The following LRPPRC variants were observed in gnomAD, a reference collection of about 807,000 sequenced individuals.
LRPPRC encodes leucine-rich PPR motif-containing protein, mitochondrial.
In LRPPRC, 120 loss-of-function variants were observed where a neutral mutation model predicts 180.3. The ratio of observed to expected loss-of-function variants is 0.67; its 90% confidence interval spans 0.57 to 0.77. The LOEUF is 0.77. Among genes scored for constraint, LRPPRC ranks in the 30% least tolerant of loss-of-function variants. LRPPRC has a pLI of 0.00. For missense variants in LRPPRC, 2,012 were observed against 1,657.2 expected, an observed-to-expected ratio of 1.21 and a Z score of -3.72; for synonymous variants, 723 against 600.0, an observed-to-expected ratio of 1.21 and a Z score of -3.00.
At position 43,927,554 on chromosome 2, in the gene LRPPRC, A is replaced by AT. The variant is rs200294401; in HGVS notation, c.2737-1594dup. On this transcript the variant is annotated intron_variant, in intron 25 of 37. Transcript: ENST00000260665. Reference sequence around the variant, plus strand: ...ACGTTATTTGTTTTGTTTCACACGCATAATACTGAAAATGAAACCAATGTC... The same window carrying AT: ...ACGTTATTTGTTTTGTTTCACACGCATTAATACTGAAAATGAAACCAATGTC... 7.1e-3 allele frequency among the ~76,000 whole-genome samples: 1,083 copies of AT among 152,338 alleles called. 11 individuals carry two copies. The highest frequency in any genetic ancestry group is 0.024 in the African/African-American group (1,012 of 41,572).
chr2:43,895,899 CCTA>C (rs1670662394), intron 35 of LRPPRC, among the ~76,000 whole-genome samples: 2 of 152,118 alleles, frequency 1.3e-5, no homozygotes, highest in Non-Finnish European at 2.9e-5. Context: ...ATGTGATATA[CCTA>C]CTATGTACCC....
In LRPPRC at chr2:43,947,716, CA is replaced by C. The variant is rs774567158; in HGVS notation, c.1965+14del. The C allele has an allele frequency of 1.5e-5, 22 of 1,483,290 alleles. No homozygotes were observed. The highest frequency in any genetic ancestry group is 2.1e-5 in the Non-Finnish European group (22 of 1,061,632). 91.9% of individuals were successfully genotyped at this position (1,483,290 alleles called of 1,614,324 possible). On this transcript the variant is annotated intron_variant, in intron 19 of 37. Coordinates refer to ENST00000260665, the MANE Select transcript of LRPPRC (RefSeq NM_133259.4). ...GGTATTATAGCATGTAGAATCTAGT[CA>C]AAATCCTACTTACTTTTTGAAAGTC... is the stretch of plus-strand genomic sequence containing the variant.
chr2:43,951,935 T>A (rs868638932), intron 14 of LRPPRC, among the ~76,000 whole-genome samples: 56 of 152,324 alleles, frequency 3.7e-4, no homozygotes, highest in African/African-American at 1.3e-3. Context: ...GGCTCACGCC[T>A]GTAATCACAG....
intron 31 of LRPPRC, chr2:43,901,923 A>G (rs1422370589): frequency 1.2e-5 from 2 of 173,062 alleles, no homozygotes; most frequent in Non-Finnish European, 2.5e-5. Flanking sequence ...CGAAGATTAA[A>G]TGATCATCAA....
intron 1 of LRPPRC, among the ~76,000 whole-genome samples, chr2:43,982,900 G>C (rs1674374253): frequency 6.6e-6 from 1 of 150,760 alleles, no homozygotes; most frequent in Non-Finnish European, 1.5e-5. Flanking sequence ...GAATTTAAAA[G>C]AAGACCAATG....
rs754282001 is a variant in LRPPRC, at chr2:43,889,765, G to C, written c.4097C>G (p.Ala1366Gly). The change falls in exon 37 of 38, where the codon GCT becomes GGT. Residue 1366 changes from alanine (A) to glycine (G), a missense_variant. Transcript: ENST00000260665. ...TTCAATGAAAGGGACAGGCTCTCCA[G>C]CATACTTCAGCAAAGATGCGTAACG... The part of the protein sequence containing the change: ...LKRYASLLKY[A>G]GEPVPFIEPP... The C allele has an allele frequency of 1.9e-6, 3 of 1,612,940 alleles. No homozygotes were observed.
At chr2:43,940,258 T>C (rs1672430620) in intron 23 of LRPPRC, among the ~76,000 whole-genome samples, 1 of 152,190 alleles carries the variant, frequency 6.6e-6, no homozygotes, top group African/African-American at 2.4e-5. Flanking sequence ...GGAGTTTTAC[T>C]CTAGAAGGCA....
chr2:43,897,482 TG>T (rs1040911157), intron 34 of LRPPRC, among the ~76,000 whole-genome samples: 1 of 152,184 alleles, frequency 6.6e-6, no homozygotes, highest in Non-Finnish European at 1.5e-5. Flanking sequence ...AAGAACTTTT[TG>T]GGGCCACACA....
At chr2:43,916,680 G>C (rs960468950) in intron 29 of LRPPRC, among the ~76,000 whole-genome samples, 2 of 152,148 alleles carry the variant, frequency 1.3e-5, no homozygotes, top group Non-Finnish European at 2.9e-5. Flanking sequence ...CAGGTTGGGG[G>C]TGGTGGCTCA....
Position 43,888,419 on chromosome 2 carries a change from A to G in LRPPRC, c.*181T>C, listed in dbSNP as rs188181819. The G allele has an allele frequency of 5.0e-5, 27 of 538,094 alleles. No individual in the cohort carries two copies. In the East Asian group the frequency reaches 8.6e-4, roughly 17 times the overall value. 33.3% of individuals were successfully genotyped at this position (538,094 alleles called of 1,614,324 possible). On this transcript the variant is annotated 3_prime_UTR_variant, in exon 38 of 38. Coordinates refer to ENST00000260665, the MANE Select transcript of LRPPRC (RefSeq NM_133259.4). ...CTATCGATTTTTCCCAGAGAAAAAA[A>G]CTCCAAAAATGTCCAATAACCAAGT... is the stretch of plus-strand genomic sequence containing the variant.
At position 43,887,997 on chromosome 2, in the gene LRPPRC, G is replaced by C. The variant is rs954310874; in HGVS notation, c.*603C>G. The C allele has an allele frequency of 6.5e-6, 1 of 153,738 alleles. No homozygotes were observed. The highest frequency in any genetic ancestry group is 6.5e-5 in the Admixed American group (1 of 15,478). The allele number at this position is 153,738 out of a possible 1,614,324, so 9.5% of individuals were successfully genotyped here. A position where few individuals can be genotyped will look rare whatever the true frequency, so the allele number is the denominator to read the frequency against. On this transcript the variant is annotated 3_prime_UTR_variant, in exon 38 of 38. Coordinates refer to ENST00000260665, the MANE Select transcript of LRPPRC (RefSeq NM_133259.4). ...TGAAGCCACAGTGGCAGAAGGGAAA[G>C]ATGGGGAAGTGTGCCGAAGAGCCTC... is the stretch of plus-strand genomic sequence containing the variant.
chr2:43,933,493 G>A lies in LRPPRC; in HGVS notation c.2736+697C>T, dbSNP rs1672163054. Among the ~76,000 whole-genome samples, 5 of 152,262 alleles carry A rather than the reference G, an allele frequency of 3.3e-5. No individual in the cohort carries two copies. In the South Asian group the frequency reaches 1.0e-3, roughly 32 times the overall value. ...ATGAAATAATTTTTCTTAAGGCAAT[G>A]GGTCCATCTTCTGCGGAATGTTTTG... is the stretch of plus-strand genomic sequence containing the variant. On this transcript the variant is annotated intron_variant, in intron 25 of 37. Coordinates refer to ENST00000260665, the MANE Select transcript of LRPPRC (RefSeq NM_133259.4).
chr2:43,990,692 T>C (rs1185604319), intron 1 of LRPPRC, among the ~76,000 whole-genome samples: 1 of 152,194 alleles, frequency 6.6e-6, no homozygotes, highest in Non-Finnish European at 1.5e-5. Flanking sequence ...CTCCTCTCTC[T>C]GAAATACCAC....
chr2:43,962,203 G>T (rs1266984152), intron 12 of LRPPRC, among the ~76,000 whole-genome samples: 1 of 152,156 alleles, frequency 6.6e-6, no homozygotes, highest in Non-Finnish European at 1.5e-5. Context: ...TGATCTGGGG[G>T]CTGTATTTCT....
At chr2:43,921,409 AG>A (rs1671695471) in intron 27 of LRPPRC, among the ~76,000 whole-genome samples, 1 of 152,246 alleles carries the variant, frequency 6.6e-6, no homozygotes, top group Non-Finnish European at 1.5e-5. Context: ...TCGTATTAAA[AG>A]GGAGAAAAAG....
intron 37 of LRPPRC, among the ~76,000 whole-genome samples, chr2:43,888,920 G>A (rs1670374206): frequency 1.3e-5 from 2 of 152,172 alleles, no homozygotes; most frequent in African/African-American, 4.8e-5. Context: ...GTGCACATAT[G>A]GAGGTATGGG....
At chr2:43,915,909 T>G (rs1671450897) in intron 29 of LRPPRC, among the ~76,000 whole-genome samples, 1 of 152,050 alleles carries the variant, frequency 6.6e-6, no homozygotes. Context: ...GGGACTATAG[T>G]CCTGTGCCAC....
chr2:43,963,090 GT>G (rs1393537483), intron 12 of LRPPRC, among the ~76,000 whole-genome samples: 1 of 152,158 alleles, frequency 6.6e-6, no homozygotes, highest in African/African-American at 2.4e-5. Context: ...GTCTTTTTGA[GT>G]TTTGAAAGTT....
At chr2:43,939,011 G>A (rs1427241471) in intron 23 of LRPPRC, among the ~76,000 whole-genome samples, 1 of 151,758 alleles carries the variant, frequency 6.6e-6, no homozygotes, top group African/African-American at 2.4e-5. Context: ...GGTGGCTCAC[G>A]CCTGTAATCC....
Sources: allele counts gnomAD v4.1 joint callset (sites outside exome capture counted in the v4.1 genomes callset), GRCh38; gene constraint gnomAD v4.1.1; transcripts MANE v1.5; gene names NCBI Gene and HGNC (gene_info 2026-07-23, HGNC 2026-07-21).